Variants in SLC26A4 observed in about 807,000 individuals in gnomAD.
The protein encoded by SLC26A4 is solute carrier family 26 member 4, also known as pendrin.
SLC26A4 carries 93 observed loss-of-function variants against 90.4 expected under a neutral mutation model. The ratio of observed to expected loss-of-function variants is 1.03; its 90% CI spans 0.87 to 1.22. SLC26A4 has a LOEUF of 1.22. SLC26A4 is among the 50% of genes most tolerant of loss of function. The pLI is 0.00. For synonymous variants in SLC26A4, 393 were observed against 354.6 expected (o/e 1.11, Z -1.22); for missense variants, 1,127 against 946.2 (o/e 1.19, Z -2.51).
At chr7:107,697,332 G>A (rs976334818) in intron 13 of SLC26A4, among the ~76,000 whole-genome samples, 2 of 152,154 alleles carry the variant, frequency 1.3e-5, no homozygotes, top group Middle Eastern at 3.2e-3. Flanking sequence ...TAGGCTTTTA[G>A]CCAACAAAAA....
At chr7:107,694,551 G>T (rs921754552) in intron 11 of SLC26A4, 70 bp from the exon 12 acceptor site, 43 of 1,523,780 alleles carry the variant, frequency 2.8e-5, no homozygotes, top group Non-Finnish European at 3.9e-5. Flanking sequence ...ATAAATAACA[G>T]GAGATTTAAC....
rs1469698819 is a variant in SLC26A4, at chr7:107,674,342, T to A, written c.594T>A (p.Ile198=). ...IASALTLLVG[I]IQLIFGGLQI... ...GTGCCCTGACTCTGCTGGTTGGAAT[T>A]ATACAGGTAATGAACTTACAAGTAA... The change falls in exon 5 of 21, where the codon ATT becomes ATA. Residue 198 remains isoleucine, a synonymous_variant. Transcript: ENST00000644269. The A allele has an allele frequency of 5.0e-6, 8 of 1,609,724 alleles. No homozygotes were observed. Among genetic ancestry groups the A allele is most frequent in the Non-Finnish European group, 1.7e-6 (2 of 1,176,070 alleles).
chr7:107,674,437 A>C (rs1790965802), intron 5 of SLC26A4, 89 bp downstream of exon 5: 1 of 1,110,364 alleles, frequency 9.0e-7, no homozygotes, highest in Admixed American at 1.9e-5. Context: ...TCTACTAAAA[A>C]CAAAACAAAG....
chr7:107,671,290 A>G (rs1385517870), intron 3 of SLC26A4, among the ~76,000 whole-genome samples: 1 of 152,156 alleles, frequency 6.6e-6, no homozygotes, highest in African/African-American at 2.4e-5. Context: ...AGCCTCCTTA[A>G]TAACTAGGAC....
At chr7:107,671,842 T>C (rs1251522851) in intron 3 of SLC26A4, among the ~76,000 whole-genome samples, 1 of 152,238 alleles carries the variant, frequency 6.6e-6, no homozygotes, top group East Asian at 1.9e-4. Flanking sequence ...TCGCTTAGGC[T>C]ATCCTACCTG....
Position 107,674,368 on chromosome 7 carries a change from A to G in SLC26A4, c.600+20A>G. 6.5e-7 allele frequency: 1 copy of G among 1,531,362 alleles called. No homozygotes were observed. The highest frequency in any genetic ancestry group is 9.1e-7 in the Non-Finnish European group (1 of 1,104,482). The allele number at this position is 1,531,362 out of a possible 1,614,324, so 94.9% of individuals were successfully genotyped here. ...ATACAGGTAATGAACTTACAAGTAAAATATAGATGGATGTAATTTTTATTT... is the reference window on the plus strand; with the variant it reads ...ATACAGGTAATGAACTTACAAGTAAGATATAGATGGATGTAATTTTTATTT... On this transcript the variant is annotated intron_variant, in intron 5 of 20. Coordinates refer to ENST00000644269, the MANE Select transcript of SLC26A4 (RefSeq NM_000441.2).
At chr7:107,682,859 T>G (rs1231406788) in intron 6 of SLC26A4, among the ~76,000 whole-genome samples, 1 of 152,190 alleles carries the variant, frequency 6.6e-6, no homozygotes, top group African/African-American at 2.4e-5. Context: ...TTAGTATGTT[T>G]ATAATGACAT....
chr7:107,674,042 G>A (rs982124710), intron 4 of SLC26A4, 122 bp from the exon 5 acceptor site: 6 of 1,057,930 alleles, frequency 5.7e-6, no homozygotes, highest in African/African-American at 1.6e-5. Context: ...AGCTTCTTTC[G>A]TGAACAAACA....
chr7:107,681,270 A>G (rs2712212), intron 6 of SLC26A4, among the ~76,000 whole-genome samples: 40,356 of 151,916 alleles, frequency 0.27, 5,507 homozygotes, highest in Middle Eastern at 0.35. Context: ...CTCTAGTCCA[A>G]GTGTTTGGTG....
chr7:107,694,793 C>T, intron 12 of SLC26A4, 77 bp downstream of exon 12: 1 of 965,856 alleles, frequency 1.0e-6, no homozygotes, highest in Non-Finnish European at 1.7e-6. Flanking sequence ...ACTATATTCC[C>T]CCCATCCCCT....
At chr7:107,666,986 A>C (rs572863430) in intron 3 of SLC26A4, among the ~76,000 whole-genome samples, 1 of 152,240 alleles carries the variant, frequency 6.6e-6, no homozygotes, top group Non-Finnish European at 1.5e-5. Context: ...AATCACTGAC[A>C]CATAATGATG....
chr7:107,682,353 C>T (rs995855396), intron 6 of SLC26A4, among the ~76,000 whole-genome samples: 1 of 151,466 alleles, frequency 6.6e-6, no homozygotes, highest in African/African-American at 2.4e-5. Context: ...CAGAAAAAAA[C>T]TACAGATTCA....
At chr7:107,686,583 G>A (rs906574755) in intron 8 of SLC26A4, among the ~76,000 whole-genome samples, 3 of 151,722 alleles carry the variant, frequency 2.0e-5, no homozygotes, top group Admixed American at 6.6e-5. Context: ...TGCCTCCCAG[G>A]TTCAAGCAAT....
At chr7:107,680,043 T>A (rs1791161323) in intron 6 of SLC26A4, among the ~76,000 whole-genome samples, 1 of 131,744 alleles carries the variant, frequency 7.6e-6, no homozygotes, top group Admixed American at 7.7e-5. Flanking sequence ...TATAATCTTA[T>A]CTTATTATAT....
intron 3 of SLC26A4, among the ~76,000 whole-genome samples, chr7:107,670,167 T>C (rs1790824837): frequency 6.6e-6 from 1 of 151,084 alleles, no homozygotes; most frequent in African/African-American, 2.4e-5. Flanking sequence ...TGGAATGCAG[T>C]GGCGCAATCT....
intron 8 of SLC26A4, among the ~76,000 whole-genome samples, chr7:107,688,213 C>G (rs111334161): frequency 0.019 from 2,850 of 152,158 alleles, 97 homozygotes; most frequent in African/African-American, 0.065. Flanking sequence ...AACCTTATTT[C>G]TATTTTATTT....
Position 107,696,037 on chromosome 7 carries a change from G to A in SLC26A4, c.1542G>A (p.Gln514=), listed in dbSNP as rs2129317166. ...FGLLTVVLRV[Q]FPSWNGLGSI... The stretch of plus-strand genomic sequence containing the variant: ...TGTTGACTGTGGTCCTGAGAGTTCA[G>A]TTGTGAGTAACGTAAAACCCAGATT... The change falls in exon 13 of 21, where the codon CAG becomes CAA. Residue 514 remains glutamine (Q), a splice_region_variant and synonymous_variant. Coordinates refer to ENST00000644269, the MANE Select transcript of SLC26A4 (RefSeq NM_000441.2). 1 of 1,561,094 alleles carries A rather than the reference G, an allele frequency of 6.4e-7. No homozygotes were observed. The highest frequency in any genetic ancestry group is 8.8e-7 in the Non-Finnish European group (1 of 1,131,912).
At chr7:107,680,947 C>A (rs1791214197) in intron 6 of SLC26A4, among the ~76,000 whole-genome samples, 1 of 152,116 alleles carries the variant, frequency 6.6e-6, no homozygotes, top group South Asian at 2.1e-4. Context: ...GGTCATTCAT[C>A]AGAAAACTGA....
At chr7:107,710,654 A>G (rs1792159816) in intron 19 of SLC26A4, among the ~76,000 whole-genome samples, 1 of 152,230 alleles carries the variant, frequency 6.6e-6, no homozygotes, top group South Asian at 2.1e-4. Context: ...CAAGCCACAA[A>G]GAAGCCCAGG....
Sources: allele counts gnomAD v4.1 joint callset (sites outside exome capture counted in the v4.1 genomes callset), GRCh38; gene constraint gnomAD v4.1.1; transcripts MANE v1.5; gene names NCBI Gene and HGNC (gene_info 2026-07-23, HGNC 2026-07-21).